Variants in PAH observed in about 807,000 individuals in gnomAD.
The protein encoded by PAH is phenylalanine hydroxylase, also known as phenylalanine-4-hydroxylase.
In PAH, 64 loss-of-function variants were observed where a neutral mutation model predicts 62.0. The ratio of observed to expected loss-of-function variants is 1.03; its 90% confidence interval spans 0.84 to 1.27. PAH has a LOEUF of 1.27. PAH is among the 50% of genes most tolerant of loss of function. The probability of loss-of-function intolerance (pLI) is 0.00; values close to 1 mark genes in which losing one functional copy is unlikely to be tolerated. For missense variants in PAH, 579 were observed against 542.8 expected, an observed-to-expected ratio of 1.07 and a Z score of -0.66; for synonymous variants, 195 against 196.2, an observed-to-expected ratio of 0.99 and a Z score of 0.05.
chr12:102,952,139 G>A (rs1879782057), upstream of PAH, among the ~76,000 whole-genome samples: 1 of 152,178 alleles, frequency 6.6e-6, no homozygotes, highest in Non-Finnish European at 1.5e-5. Context: ...CTCTGACAAG[G>A]CATGGAAGAT....
chr12:102,890,852 G>A (rs1306981422), intron 3 of PAH, among the ~76,000 whole-genome samples: 10 of 152,166 alleles, frequency 6.6e-5, no homozygotes, highest in African/African-American at 2.4e-4. Context: ...GGAGGCCGAG[G>A]TGGGCGGATC....
At chr12:102,915,681 G>C (rs1398513133) in intron 1 of PAH, among the ~76,000 whole-genome samples, 3 of 152,092 alleles carry the variant, frequency 2.0e-5, no homozygotes, top group Admixed American at 6.6e-5. Context: ...AATTACAGGT[G>C]ATTCCTTCTT....
At chr12:102,856,047 TATA>T (rs145466855) in intron 5 of PAH, among the ~76,000 whole-genome samples, 34,258 of 148,274 alleles carry the variant, frequency 0.23, 4,716 homozygotes, top group Admixed American at 0.37. Flanking sequence ...AATTAAAAAT[TATA>T]TACAATTTTT....
At chr12:102,950,095 A>G (rs913690239) in intron 1 of PAH, 3 of 152,212 alleles carry the variant, frequency 2.0e-5, no homozygotes, top group African/African-American at 7.2e-5. Flanking sequence ...AGTGTTTACT[A>G]TGTGCACTGT....
chr12:102,938,588 C>T (rs538915938), intron 1 of PAH, among the ~76,000 whole-genome samples: 120 of 152,270 alleles, frequency 7.9e-4, no homozygotes, highest in Non-Finnish European at 1.2e-3. Context: ...CCCAGAACAG[C>T]CACCCTACTC....
At chr12:102,872,743 G>C (rs957696765) in intron 4 of PAH, among the ~76,000 whole-genome samples, 1 of 152,112 alleles carries the variant, frequency 6.6e-6, no homozygotes, top group African/African-American at 2.4e-5. Context: ...TGAGGCGAGC[G>C]GATCACCTGA....
chr12:102,845,269 AG>A (rs1874785408), intron 9 of PAH, among the ~76,000 whole-genome samples: 1 of 152,148 alleles, frequency 6.6e-6, no homozygotes, highest in Non-Finnish European at 1.5e-5. Flanking sequence ...CCCCAAAAGG[AG>A]GCTCCCAACA....
chr12:102,888,155 C>A (rs1283481168), intron 3 of PAH, among the ~76,000 whole-genome samples: 1 of 152,064 alleles, frequency 6.6e-6, no homozygotes, highest in African/African-American at 2.4e-5. Context: ...ATGGGCCCTA[C>A]ACGCTAGGCA....
At chr12:102,913,934 C>T (rs969139242) in intron 1 of PAH, 1 of 675,908 alleles carries the variant, frequency 1.5e-6, no homozygotes, top group African/African-American at 1.8e-5. Context: ...GTACCTAAAA[C>T]TGGGAAGAAA....
In PAH at chr12:102,917,222, C is replaced by A; in HGVS notation, c.-92G>T. 9.5e-7 allele frequency: 1 copy of A among 1,057,078 alleles called. No homozygotes were observed. The highest frequency in any genetic ancestry group is 2.4e-5 in the East Asian group (1 of 41,434). 65.5% of individuals were successfully genotyped at this position (1,057,078 alleles called of 1,614,324 possible). On this transcript the variant is annotated 5_prime_UTR_variant, in exon 1 of 13. Transcript: ENST00000553106. ...CACGTGGGGCTGAAGGTTTTAACCT[C>A]GCACTAGGGAGGAGAAGAGAGTTAC... is the stretch of plus-strand genomic sequence containing the variant.
At chr12:102,857,338 T>C (rs975453768) in intron 5 of PAH, among the ~76,000 whole-genome samples, 1 of 152,212 alleles carries the variant, frequency 6.6e-6, no homozygotes, top group Non-Finnish European at 1.5e-5. Context: ...AGACCAAATC[T>C]ACATCTGATC....
In PAH at chr12:102,855,282, CAT is replaced by C. The variant is rs62517207; in HGVS notation, c.558_559del (p.Trp187GlyfsTer12). On this transcript the variant is annotated frameshift_variant, in exon 6 of 13. Transcript: ENST00000553106. LOFTEE classifies it high-confidence loss of function. The stretch of plus-strand genomic sequence containing the variant: ...CTTCAGAGTCTTGAACACTGTGCCC[CAT>C]GTTTTCTTTTCTTCCTCCATGTATT... 21 of 1,614,056 alleles carry C rather than the reference CAT, an allele frequency of 1.3e-5. No individual in the cohort carries two copies. The South Asian group carries it at 2.3e-4, about 18-fold the overall frequency.
chr12:102,936,273 CT>C (rs1339835154), intron 1 of PAH, among the ~76,000 whole-genome samples: 8 of 152,114 alleles, frequency 5.3e-5, no homozygotes, highest in African/African-American at 1.7e-4. Context: ...AATTTTTGAA[CT>C]TTTTAAAGAC....
At chr12:102,858,074 G>A (rs538731342) in intron 5 of PAH, among the ~76,000 whole-genome samples, 2 of 152,310 alleles carry the variant, frequency 1.3e-5, no homozygotes, top group South Asian at 4.1e-4. Flanking sequence ...CTGTATTCAG[G>A]AGACCCATCT....
At chr12:102,886,302 G>A (rs1358881110) in intron 3 of PAH, 2 of 152,158 alleles carry the variant, frequency 1.3e-5, no homozygotes, top group African/African-American at 4.8e-5. Flanking sequence ...TCTCACACAT[G>A]AAGTAAAGAG....
At chr12:102,942,916 C>G (rs573579560) in intron 1 of PAH, among the ~76,000 whole-genome samples, 4 of 151,952 alleles carry the variant, frequency 2.6e-5, no homozygotes, top group African/African-American at 7.3e-5. Context: ...AAAGTCAACT[C>G]AAGATGATTA....
At chr12:102,876,411 A>T (rs532034876) in intron 4 of PAH, among the ~76,000 whole-genome samples, 7 of 152,322 alleles carry the variant, frequency 4.6e-5, no homozygotes, top group South Asian at 2.1e-4. Flanking sequence ...TAGAAAAGTC[A>T]TCAGGCTCCT....
intron 1 of PAH, among the ~76,000 whole-genome samples, chr12:102,935,781 C>CT (rs1555211266): frequency 1.3e-5 from 2 of 151,554 alleles, no homozygotes; most frequent in Non-Finnish European, 2.9e-5. Context: ...GGTCTTCTCC[C>CT]TTTTTTTTCT....
intron 1 of PAH, 140 bp downstream of exon 1, chr12:102,916,930 TC>T: frequency 5.0e-6 from 4 of 795,124 alleles, no homozygotes; most frequent in Non-Finnish European, 6.6e-6. Context: ...TCTGTTGACT[TC>T]CTGGATATTC....
Sources: allele counts gnomAD v4.1 joint callset (sites outside exome capture counted in the v4.1 genomes callset), GRCh38; gene constraint gnomAD v4.1.1; transcripts MANE v1.5; gene names NCBI Gene and HGNC (gene_info 2026-07-23, HGNC 2026-07-21).